Variants in PSIP1 observed in about 807,000 individuals in gnomAD.
PSIP1 encodes PC4 and SRSF1 interacting protein 1.
In PSIP1, 19 loss-of-function variants were observed where a neutral mutation model predicts 74.7. The ratio of observed to expected loss-of-function variants is 0.25; its 90% CI spans 0.18 to 0.37. PSIP1 has a LOEUF of 0.37. Ranked by LOEUF, PSIP1 falls within the 10% of genes least tolerant of loss-of-function variation. PSIP1 has a pLI of 1.00. For missense variants in PSIP1, 601 were observed against 614.3 expected (o/e 0.98, Z 0.23); for synonymous variants, 222 against 195.3 (o/e 1.14, Z -1.14).
In PSIP1 at chr9:15,469,753, A is replaced by G. The variant is rs561075216; in HGVS notation, c.1033+185T>C. Reference sequence around the variant, plus strand: ...ATGAGCATTAAACATAAACAACTCAAGCAAGTTCACTTGATTATGCTTAAA... The same window carrying G: ...ATGAGCATTAAACATAAACAACTCAGGCAAGTTCACTTGATTATGCTTAAA... On this transcript the variant is annotated intron_variant, in intron 11 of 15. Coordinates refer to ENST00000380733, the MANE Select transcript of PSIP1 (RefSeq NM_033222.5). Among the ~76,000 whole-genome samples the G allele has an allele frequency of 2.6e-5, 4 of 152,284 alleles. 1 individual carries two copies. Among genetic ancestry groups the G allele is most frequent in the Admixed American group, 6.5e-5 (1 of 15,294 alleles).
chr9:15,482,861 C>G (rs1207160800), intron 6 of PSIP1, among the ~76,000 whole-genome samples: 1 of 152,114 alleles, frequency 6.6e-6, no homozygotes, highest in Non-Finnish European at 1.5e-5. Flanking sequence ...CTGTCCTTAC[C>G]ATTCAACTAA....
intron 4 of PSIP1, among the ~76,000 whole-genome samples, chr9:15,488,259 G>C (rs1251388098): frequency 6.6e-6 from 1 of 151,992 alleles, no homozygotes; most frequent in Admixed American, 6.5e-5. Flanking sequence ...TTGACCTGGG[G>C]GGCAGAGGCT....
intron 2 of PSIP1, among the ~76,000 whole-genome samples, chr9:15,508,290 T>C (rs2037692309): frequency 6.6e-6 from 1 of 152,252 alleles, no homozygotes; most frequent in Admixed American, 6.5e-5. Context: ...TTTTTAAGAA[T>C]GAAGAAGACA....
intron 3 of PSIP1, among the ~76,000 whole-genome samples, chr9:15,496,270 T>G (rs565208552): frequency 6.6e-6 from 1 of 152,228 alleles, no homozygotes; most frequent in South Asian, 2.1e-4. Context: ...CAATTGAAAT[T>G]TGTGCCTACA....
intron 3 of PSIP1, among the ~76,000 whole-genome samples, chr9:15,493,915 C>A (rs547981498): frequency 2.0e-5 from 3 of 152,154 alleles, no homozygotes; most frequent in Non-Finnish European, 4.4e-5. Flanking sequence ...AGGTCAGGGA[C>A]CATCTGTACA....
intron 2 of PSIP1, 87 bp downstream of exon 2, chr9:15,510,030 A>C (rs1307482900): frequency 5.2e-6 from 7 of 1,349,820 alleles, no homozygotes; most frequent in Middle Eastern, 1.9e-4. Flanking sequence ...GAGAAAGGAC[A>C]GAAGAAAAAA....
rs1233260750 is a variant in PSIP1 at position 15,468,980 on chromosome 9, C to G, written c.1183G>C (p.Glu395Gln). Reference protein sequence around the residue: ...VTMQQAQKHTEMITTLKKIRR... With the variant: ...VTMQQAQKHTQMITTLKKIRR... ...ACTTTTTTCAGTGTAGTAATCATCT[C>G]TGTGTGTTTCTGAGCTTGTTGCATT... Residue 395 changes from glutamate to glutamine, a missense_variant, in exon 13 of 16, where the codon GAG becomes CAG. Coordinates refer to ENST00000380733, the MANE Select transcript of PSIP1 (RefSeq NM_033222.5). 3.1e-6 allele frequency: 5 copies of G among 1,613,908 alleles called. No individual in the cohort carries two copies. The highest frequency in any genetic ancestry group is 4.2e-6 in the Non-Finnish European group (5 of 1,179,920).
At chr9:15,488,791 G>A (rs916532888) in intron 4 of PSIP1, among the ~76,000 whole-genome samples, 1 of 152,082 alleles carries the variant, frequency 6.6e-6, no homozygotes, top group Non-Finnish European at 1.5e-5. Flanking sequence ...GGGGGCCGAG[G>A]CGGGCGGATC....
At chr9:15,490,652 C>A (rs1008486061) in intron 3 of PSIP1, among the ~76,000 whole-genome samples, 16 of 136,052 alleles carry the variant, frequency 1.2e-4, no homozygotes, top group African/African-American at 4.0e-4. Flanking sequence ...CACTGCACTC[C>A]AGCCTGGGTG....
At chr9:15,490,256 G>T in intron 3 of PSIP1, 132 bp from the exon 4 acceptor site, 1 of 785,348 alleles carries the variant, frequency 1.3e-6, no homozygotes, top group Non-Finnish European at 1.8e-6. Flanking sequence ...ATAAGTTAAA[G>T]GGCAATTAAT....
chr9:15,490,103 A>G lies in PSIP1; in HGVS notation c.171T>C (p.Asp57=). 5 of 1,599,106 alleles carry G rather than the reference A, an allele frequency of 3.1e-6. No homozygotes were observed. Among genetic ancestry groups the G allele is most frequent in the Non-Finnish European group, 3.4e-6 (4 of 1,174,874 alleles). ...THETAFLGPK[D]IFPYSENKEK... The stretch of plus-strand genomic sequence containing the variant: ...CCTTATTTTCTGAGTAAGGAAATAT[A>G]TCCTTTGGTCCTAAAAAAGCACTAA... Residue 57 remains aspartate (D), a synonymous_variant, in exon 4 of 16, where the codon GAT becomes GAC. Coordinates refer to ENST00000380733, the MANE Select transcript of PSIP1 (RefSeq NM_033222.5).
intron 3 of PSIP1, among the ~76,000 whole-genome samples, chr9:15,490,402 G>A (rs181958544): frequency 3.2e-4 from 49 of 152,268 alleles, no homozygotes; most frequent in African/African-American, 1.1e-3. Context: ...TGGTTACATC[G>A]CCATGCGTGG....
chr9:15,509,696 C>A (rs968158992), intron 2 of PSIP1, among the ~76,000 whole-genome samples: 4 of 152,158 alleles, frequency 2.6e-5, no homozygotes, highest in Non-Finnish European at 5.9e-5. Context: ...TAATCACATA[C>A]GCACTTCTCT....
chr9:15,474,933 G>C (rs1356099018), intron 8 of PSIP1, among the ~76,000 whole-genome samples: 1 of 152,168 alleles, frequency 6.6e-6, no homozygotes, highest in African/African-American at 2.4e-5. Flanking sequence ...ATTTCATTGA[G>C]ATTTTCGCAA....
intron 15 of PSIP1, chr9:15,465,841 C>G (rs1481270880): frequency 5.5e-6 from 2 of 362,078 alleles, no homozygotes; most frequent in African/African-American, 4.2e-5. Flanking sequence ...GGACCAAGCC[C>G]TTTCCATCAT....
At chr9:15,488,843 A>C (rs1184284828) in intron 4 of PSIP1, among the ~76,000 whole-genome samples, 1 of 152,150 alleles carries the variant, frequency 6.6e-6, no homozygotes, top group African/African-American at 2.4e-5. Context: ...AACACGGTGA[A>C]ACCCCGTCTC....
chr9:15,477,375 AT>A (rs1263321812), intron 8 of PSIP1, among the ~76,000 whole-genome samples: 4 of 152,108 alleles, frequency 2.6e-5, no homozygotes, highest in Non-Finnish European at 5.9e-5. Context: ...TCTCTTAGTA[AT>A]TTTCAAGTAT....
intron 3 of PSIP1, among the ~76,000 whole-genome samples, chr9:15,500,892 C>G (rs923097888): frequency 3.3e-5 from 5 of 152,188 alleles, no homozygotes; most frequent in Non-Finnish European, 7.4e-5. Context: ...AAAACTCAAA[C>G]TGAGCTTCAT....
In PSIP1 at chr9:15,510,247, G is replaced by T; in HGVS notation, c.-59C>A. 6.5e-7 allele frequency: 1 copy of T among 1,526,868 alleles called. No homozygotes were observed. The allele number at this position is 1,526,868 out of a possible 1,614,324, so 94.6% of individuals were successfully genotyped here. A position where few individuals can be genotyped will look rare whatever the true frequency, so the allele number is the denominator to read the frequency against. Reference sequence around the variant, plus strand: ...GGAGGCGGCGAGGAGATGCGGCGGCGCGGGGATGCGGGCGGCGGACGCGGG... The same window carrying T: ...GGAGGCGGCGAGGAGATGCGGCGGCTCGGGGATGCGGGCGGCGGACGCGGG... On this transcript the variant is annotated 5_prime_UTR_variant, in exon 2 of 16. Coordinates refer to ENST00000380733, the MANE Select transcript of PSIP1 (RefSeq NM_033222.5).
Sources: allele counts gnomAD v4.1 joint callset (sites outside exome capture counted in the v4.1 genomes callset), GRCh38; gene constraint gnomAD v4.1.1; transcripts MANE v1.5; gene names NCBI Gene and HGNC (gene_info 2026-07-23, HGNC 2026-07-21).